Variants in KLHL32 observed in about 807,000 individuals in gnomAD.
KLHL32 encodes kelch-like protein 32.
KLHL32 carries 35 observed loss-of-function variants against 64.8 expected under a neutral mutation model. The observed-to-expected ratio is 0.54, with a 90% CI of 0.41 to 0.72. The LOEUF is 0.72. Ranked by LOEUF, KLHL32 falls within the 30% of genes least tolerant of loss-of-function variation. KLHL32 has a pLI of 0.00. For synonymous variants in KLHL32, 259 were observed against 281.0 expected, an observed-to-expected ratio of 0.92 and a Z score of 0.78; for missense variants, 589 against 768.5, an observed-to-expected ratio of 0.77 and a Z score of 2.76.
intron 4 of KLHL32, among the ~76,000 whole-genome samples, chr6:97,060,314 A>G (rs1167324283): frequency 4.6e-5 from 7 of 152,204 alleles, no homozygotes. Context: ...GAGGCTAGGT[A>G]TAAGGGAGAG....
intron 7 of KLHL32, among the ~76,000 whole-genome samples, chr6:97,115,274 C>G (rs1169608776): frequency 6.6e-6 from 1 of 152,204 alleles, no homozygotes; most frequent in Non-Finnish European, 1.5e-5. Flanking sequence ...TCTTGGCCTC[C>G]CAAAGTGTTG....
intron 7 of KLHL32, among the ~76,000 whole-genome samples, chr6:97,120,949 G>A (rs560513188): frequency 6.6e-6 from 1 of 152,146 alleles, no homozygotes; most frequent in East Asian, 1.9e-4. Context: ...CTCTAGTATT[G>A]AACTGAGGTG....
chr6:96,898,415 C>A, the KLHL32 span, among the ~76,000 whole-genome samples: 1 of 152,152 alleles, frequency 6.6e-6, no homozygotes. Context: ...TTGTTCTCAG[C>A]CGCTCTCATT....
At chr6:97,117,309 G>T (rs1416775070) in intron 7 of KLHL32, among the ~76,000 whole-genome samples, 1 of 152,124 alleles carries the variant, frequency 6.6e-6, no homozygotes, top group East Asian at 1.9e-4. Flanking sequence ...TTGAATCATT[G>T]GCATCCTTCT....
chr6:97,073,726 T>C (rs771000427), intron 5 of KLHL32, among the ~76,000 whole-genome samples: 1 of 152,138 alleles, frequency 6.6e-6, no homozygotes, highest in Non-Finnish European at 1.5e-5. Flanking sequence ...AACTGTGTAT[T>C]TATTTAAAAG....
At chr6:96,958,500 A>T (rs1773517963) in intron 1 of KLHL32, among the ~76,000 whole-genome samples, 1 of 152,198 alleles carries the variant, frequency 6.6e-6, no homozygotes, top group African/African-American at 2.4e-5. Flanking sequence ...GTTGATGAGT[A>T]TGTCTGTATG....
chr6:96,989,101 T>C (rs186184089), intron 3 of KLHL32, among the ~76,000 whole-genome samples: 2 of 152,324 alleles, frequency 1.3e-5, no homozygotes, highest in Admixed American at 1.3e-4. Context: ...ATTTAAAGTA[T>C]AATAAAAAAA....
Position 96,976,191 on chromosome 6 carries a change from G to T in KLHL32, c.204+14G>T. 6.6e-7 allele frequency: 1 copy of T among 1,523,580 alleles called. No individual in the cohort carries two copies. The highest frequency in any genetic ancestry group is 8.9e-7 in the Non-Finnish European group (1 of 1,128,130). 94.4% of individuals were successfully genotyped at this position (1,523,580 alleles called of 1,614,324 possible). ...GACTATTTCCGGGTAAGTCAGCATTGTTTGTTTCTCGTAAAATATTGATAA... is the reference window on the plus strand; with the variant it reads ...GACTATTTCCGGGTAAGTCAGCATTTTTTGTTTCTCGTAAAATATTGATAA... On this transcript the variant is annotated intron_variant, in intron 3 of 10. Transcript: ENST00000369261.
chr6:97,126,344 G>GT lies in KLHL32; in HGVS notation c.1355-1048dup, dbSNP rs147910554. ...ATATTTTCTTACTATGCTGTTTTATGTTTTTTTTTTTTAGAGTTTTTCCAC... is the reference window on the plus strand; with the variant it reads ...ATATTTTCTTACTATGCTGTTTTATGTTTTTTTTTTTTTAGAGTTTTTCCAC... On this transcript the variant is annotated intron_variant, in intron 7 of 10. Transcript: ENST00000369261. 6.9e-3 allele frequency among the ~76,000 whole-genome samples: 975 copies of GT among 141,732 alleles called. 5 individuals carry two copies. The highest frequency in any genetic ancestry group is 9.4e-3 in the Non-Finnish European group (606 of 64,214). 93.0% of individuals were successfully genotyped at this position (141,732 alleles called of 152,430 possible).
upstream of KLHL32, among the ~76,000 whole-genome samples, chr6:96,922,805 T>C (rs1335681706): frequency 2.0e-5 from 3 of 152,222 alleles, no homozygotes; most frequent in Non-Finnish European, 4.4e-5. Context: ...TATGTTTGTG[T>C]TGAATTTTGG....
intron 1 of KLHL32, among the ~76,000 whole-genome samples, chr6:96,944,142 G>A (rs1035019411): frequency 6.6e-6 from 1 of 152,134 alleles, no homozygotes; most frequent in African/African-American, 2.4e-5. Flanking sequence ...GGAATTAGAT[G>A]CCTGTGATTA....
At chr6:97,057,025 A>C (rs1788055250) in intron 4 of KLHL32, among the ~76,000 whole-genome samples, 1 of 152,192 alleles carries the variant, frequency 6.6e-6, no homozygotes, top group African/African-American at 2.4e-5. Flanking sequence ...TATAATTTTC[A>C]TGTATCACAA....
At chr6:96,990,901 GGCA>G (rs1265436831) in intron 3 of KLHL32, among the ~76,000 whole-genome samples, 1 of 152,096 alleles carries the variant, frequency 6.6e-6, no homozygotes, top group African/African-American at 2.4e-5. Flanking sequence ...TTAGTCCAAG[GGCA>G]GCAAGGGAAG....
chr6:97,116,979 G>GA (rs1414694612), intron 7 of KLHL32, among the ~76,000 whole-genome samples: 2 of 152,182 alleles, frequency 1.3e-5, no homozygotes, highest in Non-Finnish European at 2.9e-5. Context: ...TACTTGAGAT[G>GA]AAAAACTCAC....
chr6:96,959,721 C>T (rs541125838), intron 1 of KLHL32, among the ~76,000 whole-genome samples: 27 of 152,118 alleles, frequency 1.8e-4, no homozygotes, highest in African/African-American at 4.8e-4. Context: ...CACTAGCATG[C>T]GGTGGTTGCA....
upstream of KLHL32, among the ~76,000 whole-genome samples, chr6:96,923,573 C>A (rs1768832897): frequency 6.6e-6 from 1 of 152,244 alleles, no homozygotes; most frequent in African/African-American, 2.4e-5. Flanking sequence ...AACGAATAAA[C>A]CCCCAAATCC....
intron 3 of KLHL32, among the ~76,000 whole-genome samples, chr6:97,029,952 C>G (rs569383873): frequency 1.6e-4 from 25 of 152,314 alleles, no homozygotes; most frequent in African/African-American, 6.0e-4. Context: ...TGTAATGGAT[C>G]TACTGTAATC....
chr6:97,055,972 T>TAA (rs1787798184), intron 4 of KLHL32, among the ~76,000 whole-genome samples: 1 of 151,996 alleles, frequency 6.6e-6, no homozygotes, highest in Non-Finnish European at 1.5e-5. Flanking sequence ...TGGAGGCTTT[T>TAA]ATCTTCATCA....
At chr6:96,938,687 G>A (rs373675926) in intron 1 of KLHL32, among the ~76,000 whole-genome samples, 2 of 152,080 alleles carry the variant, frequency 1.3e-5, no homozygotes, top group Non-Finnish European at 2.9e-5. Context: ...GGAAATAGAC[G>A]GGCCTAAGCT....
Sources: gnomAD v4.1 joint callset for allele counts (sites outside exome capture counted in the v4.1 genomes callset) on GRCh38, gnomAD v4.1.1 for gene constraint, MANE v1.5 for transcripts, NCBI Gene and HGNC (gene_info 2026-07-23, HGNC 2026-07-21) for gene names.